Variants in NME8 observed in about 807,000 individuals in gnomAD.
NME8 encodes the protein NME/NM23 family member 8.
Under a neutral mutation model 82.3 loss-of-function variants are expected in NME8, and 72 were observed. The ratio of observed to expected loss-of-function variants is 0.87; its 90% CI spans 0.72 to 1.06. The LOEUF is 1.06. Among genes scored for constraint, NME8 ranks in the 50% least tolerant of loss-of-function variants. NME8 has a pLI of 0.00. For missense variants in NME8, 712 were observed against 685.4 expected (o/e 1.04, Z -0.43); for synonymous variants, 267 against 228.5 (o/e 1.17, Z -1.52).
At chr7:37,864,088 A>G (rs534518927) in intron 8 of NME8, among the ~76,000 whole-genome samples, 1 of 152,340 alleles carries the variant, frequency 6.6e-6, no homozygotes, top group African/African-American at 2.4e-5. Context: ...TCAAACCACC[A>G]GGGCCTACCT....
At chr7:37,877,072 T>C in intron 12 of NME8, 65 bp downstream of exon 12, 3 of 1,298,268 alleles carry the variant, frequency 2.3e-6, no homozygotes, top group Non-Finnish European at 3.3e-6. Flanking sequence ...AACCCTAGTA[T>C]AATTGCATTT....
chr7:37,850,116 T>A, intron 2 of NME8, 144 bp from the exon 3 acceptor site: 1 of 661,372 alleles, frequency 1.5e-6, no homozygotes, highest in African/African-American at 1.8e-5. Context: ...TTTAAGTACA[T>A]AAATACAGAG....
Position 37,897,079 on chromosome 7 carries a change from C to A in NME8, c.1754C>A (p.Pro585His). 6.2e-7 allele frequency: 1 copy of A among 1,607,510 alleles called. No homozygotes were observed. Among genetic ancestry groups the A allele is most frequent in the Non-Finnish European group, 8.5e-7 (1 of 1,174,162 alleles). Residue 585 changes from proline to histidine, a missense_variant, in exon 17 of 18, where the codon CCT (proline) becomes CAT (histidine). Coordinates refer to ENST00000199447, the MANE Select transcript of NME8 (RefSeq NM_016616.5). ...KEVVNRLFED[P>H]EEN ...GTTGTTAATAGACTCTTTGAGGATC[C>A]TGAGGAAAACTAAAGTATATACTGT...
chr7:37,888,493 T>A, intron 15 of NME8, 65 bp downstream of exon 15: 1 of 1,498,784 alleles, frequency 6.7e-7, no homozygotes, highest in South Asian at 1.2e-5. Context: ...ATTTAAAAAA[T>A]TTACAATCAG....
intron 11 of NME8, among the ~76,000 whole-genome samples, chr7:37,873,026 A>G (rs935464496): frequency 6.6e-6 from 1 of 152,210 alleles, no homozygotes; most frequent in Non-Finnish European, 1.5e-5. Context: ...TGATGAAATT[A>G]TTTTTAAGTA....
Position 37,864,864 on chromosome 7 carries a change from C to A in NME8, c.528+443C>A, listed in dbSNP as rs200810194. 3.9e-5 allele frequency among the ~76,000 whole-genome samples: 6 copies of A among 152,110 alleles called. No individual in the cohort carries two copies. In the East Asian group the frequency reaches 1.2e-3, roughly 29 times the overall value. ...AAAGAGAACTTGTGCAAGAAATCTT[C>A]CATTTTTAAAGCCATCAGATCTCAT... On this transcript the variant is annotated intron_variant, in intron 9 of 17. Transcript: ENST00000199447.
intron 12 of NME8, among the ~76,000 whole-genome samples, chr7:37,882,581 AAG>A (rs1303657568): frequency 5.8e-5 from 3 of 51,730 alleles, no homozygotes; most frequent in African/African-American, 1.5e-4. Flanking sequence ...GAAAGAAAGA[AAG>A]AAAGAAAGAA....
At chr7:37,877,996 TA>T (rs1313832896) in intron 12 of NME8, among the ~76,000 whole-genome samples, 2 of 152,188 alleles carry the variant, frequency 1.3e-5, no homozygotes, top group African/African-American at 4.8e-5. Flanking sequence ...TTGAGCTAGC[TA>T]GCACATCCTG....
In NME8 at chr7:37,876,225, TATATATAG is replaced by T. The variant is rs1448663967; in HGVS notation, c.819-603_819-596del. On this transcript the variant is annotated intron_variant, in intron 11 of 17. Transcript: ENST00000199447. ...CCATCTCAAAAAAACACTATATATA[TATATATAG>T]ATAGATAGATAGATAGATAGATAGA... 8.1e-4 allele frequency among the ~76,000 whole-genome samples: 104 copies of T among 128,884 alleles called. 1 individual carries two copies. Among genetic ancestry groups the T allele is most frequent in the African/African-American group, 2.1e-3 (61 of 29,724 alleles). The allele number at this position is 128,884 out of a possible 152,430, so 84.6% of individuals were successfully genotyped here. A position where few individuals can be genotyped will look rare whatever the true frequency, so the allele number is the denominator to read the frequency against.
At chr7:37,898,208 T>G (rs1352437744) in intron 17 of NME8, among the ~76,000 whole-genome samples, 2 of 152,222 alleles carry the variant, frequency 1.3e-5, no homozygotes, top group Non-Finnish European at 2.9e-5. Context: ...AAAGTTTCAG[T>G]GTACAGTGTA....
intron 12 of NME8, among the ~76,000 whole-genome samples, chr7:37,880,942 G>T (rs1489910295): frequency 1.3e-5 from 2 of 151,686 alleles, no homozygotes; most frequent in Admixed American, 6.6e-5. Context: ...GCTCATTTCT[G>T]GTATATAGAA....
intron 11 of NME8, among the ~76,000 whole-genome samples, chr7:37,873,781 A>G (rs1784807765): frequency 6.6e-6 from 1 of 152,252 alleles, no homozygotes; most frequent in Admixed American, 6.5e-5. Context: ...GTGAACTCCA[A>G]GAGTACATAG....
intron 6 of NME8, among the ~76,000 whole-genome samples, chr7:37,857,864 A>G (rs1003357584): frequency 3.9e-5 from 6 of 152,154 alleles, no homozygotes; most frequent in African/African-American, 1.4e-4. Context: ...ATACTATTCT[A>G]TATTTTCCAC....
At chr7:37,856,743 C>T (rs1784518168) in intron 5 of NME8, among the ~76,000 whole-genome samples, 1 of 152,038 alleles carries the variant, frequency 6.6e-6, no homozygotes, top group Admixed American at 6.6e-5. Flanking sequence ...TTTAGTAAAC[C>T]TCTTTTAATG....
At chr7:37,893,279 G>T (rs976686868) in intron 15 of NME8, among the ~76,000 whole-genome samples, 4 of 152,082 alleles carry the variant, frequency 2.6e-5, no homozygotes, top group African/African-American at 9.7e-5. Flanking sequence ...CAAATACCTT[G>T]CTTGCAGTGC....
intron 15 of NME8, among the ~76,000 whole-genome samples, chr7:37,892,998 A>G (rs150719348): frequency 6.6e-6 from 1 of 152,130 alleles, no homozygotes; most frequent in East Asian, 1.9e-4. Context: ...ATAATGGCTC[A>G]GTAAAGATTA....
chr7:37,860,215 G>T (rs1345635899), intron 6 of NME8, among the ~76,000 whole-genome samples: 3 of 152,094 alleles, frequency 2.0e-5, no homozygotes, highest in African/African-American at 7.2e-5. Context: ...CTTTCTGATA[G>T]CATATCCCTC....
At chr7:37,888,034 A>G (rs1328832108) in intron 14 of NME8, among the ~76,000 whole-genome samples, 1 of 152,134 alleles carries the variant, frequency 6.6e-6, no homozygotes, top group Non-Finnish European at 1.5e-5. Context: ...TTCCTCTTTC[A>G]TAGTTATCTG....
At chr7:37,885,291 G>C in intron 14 of NME8, 39 bp downstream of exon 14, 1 of 1,288,996 alleles carries the variant, frequency 7.8e-7, no homozygotes, top group Non-Finnish European at 1.1e-6. Context: ...GTTTTCGTGG[G>C]CTCCATTTTA....
Sources: gnomAD v4.1 joint callset for allele counts (sites outside exome capture counted in the v4.1 genomes callset) on GRCh38, gnomAD v4.1.1 for gene constraint, MANE v1.5 for transcripts, NCBI Gene and HGNC (gene_info 2026-07-23, HGNC 2026-07-21) for gene names.